RBM6: variants seen among roughly 807,000 people sequenced by gnomAD.
RBM6 encodes the protein RNA-binding protein 6.
RBM6 carries 23 observed loss-of-function variants against 140.4 expected under a neutral mutation model. That is an observed-to-expected ratio of 0.16 (90% CI 0.12 to 0.23). The LOEUF is 0.23. RBM6 is among the 10% of genes least tolerant of loss of function. The pLI is 1.00. For missense variants in RBM6, 1,139 were observed against 1,386.7 expected, an observed-to-expected ratio of 0.82 and a Z score of 2.84; for synonymous variants, 439 against 475.6, an observed-to-expected ratio of 0.92 and a Z score of 1.00.
chr3:49,943,533 T>C (rs954657943), intron 1 of RBM6, among the ~76,000 whole-genome samples: 4 of 152,192 alleles, frequency 2.6e-5, no homozygotes, highest in Admixed American at 6.6e-5. Flanking sequence ...GGTCTCGAAC[T>C]CCTGAGTTCA....
chr3:50,026,782 G>A lies in RBM6; in HGVS notation c.1558-21463G>A, dbSNP rs150103366. 7.8e-3 allele frequency among the ~76,000 whole-genome samples: 1,176 copies of A among 151,716 alleles called. 19 individuals are homozygous for A. Among genetic ancestry groups the A allele is most frequent in the African/African-American group, 0.027 (1,129 of 41,314 alleles). On this transcript the variant is annotated intron_variant, in intron 6 of 20. Coordinates refer to ENST00000266022, the MANE Select transcript of RBM6 (RefSeq NM_005777.3). Reference sequence around the variant, plus strand: ...ACAAAAATTAGGCAGGTGTGGTGGCGTGCACCTGTAGTCCCAGCTATTGGG... The same window carrying A: ...ACAAAAATTAGGCAGGTGTGGTGGCATGCACCTGTAGTCCCAGCTATTGGG...
Position 50,077,054 on chromosome 3 carries a change from C to T in RBM6, c.3293C>T (p.Thr1098Ile), listed in dbSNP as rs1335404116. ...CCCAGTGTTGGAGCCTCAGGAAGAA[C>T]CAGCAAAAGACAGTCCAACGAGACT... is the stretch of plus-strand genomic sequence containing the variant. ...RGPSVGASGRTSKRQSNETYR... is the reference protein window; with the variant it reads ...RGPSVGASGRISKRQSNETYR... Residue 1098 changes from threonine to isoleucine, a missense_variant, in exon 21 of 21, where the codon ACC becomes ATC. Physicochemically the swap from Thr to Ile is moderately conservative, Grantham distance 89. Coordinates refer to ENST00000266022, the MANE Select transcript of RBM6 (RefSeq NM_005777.3). 1.2e-6 allele frequency: 2 copies of T among 1,612,966 alleles called. No individual in the cohort carries two copies. Among genetic ancestry groups the T allele is most frequent in the Non-Finnish European group, 1.7e-6 (2 of 1,179,848 alleles).
intron 6 of RBM6, among the ~76,000 whole-genome samples, chr3:50,016,763 TGCACTCAA>T (rs2087172686): frequency 6.6e-6 from 1 of 151,520 alleles, no homozygotes. Context: ...CTTAACTTCC[TGCACTCAA>T]GCAGTCCTCC....
chr3:50,021,740 C>CTTTTTTTT (rs542734328), intron 6 of RBM6, among the ~76,000 whole-genome samples: 525 of 42,760 alleles, frequency 0.012, 160 homozygotes, highest in South Asian at 0.024. Context: ...AATTTAAGTG[C>CTTTTTTTT]TTTTTTTTTT....
At chr3:50,045,157 G>T (rs1315300443) in intron 6 of RBM6, among the ~76,000 whole-genome samples, 1 of 152,182 alleles carries the variant, frequency 6.6e-6, no homozygotes, top group Non-Finnish European at 1.5e-5. Flanking sequence ...CTCAACAAAA[G>T]GTCATCCACA....
At position 50,077,124 on chromosome 3, in the gene RBM6, A is replaced by C; in HGVS notation, c.3363A>C (p.Glu1121Asp). ...GAGTCATGTTTGCTCGATATAAAGAACTCGATTAAGAAAGGAGACAAGTTC... is the reference window on the plus strand; with the variant it reads ...GAGTCATGTTTGCTCGATATAAAGACCTCGATTAAGAAAGGAGACAAGTTC... Reference protein sequence around the residue: ...VRRVMFARYKELD With the variant: ...VRRVMFARYKDLD Residue 1121 changes from glutamate to aspartate, a missense_variant, in exon 21 of 21, where the codon GAA becomes GAC. Glu to Asp is a conservative substitution (Grantham distance 45, BLOSUM62 2). This residue lies in a region of RBM6 where 125 missense variants were observed against 142.0 expected (regional missense o/e 0.88). Transcript: ENST00000266022. 1 of 1,609,408 alleles carries C rather than the reference A, an allele frequency of 6.2e-7. No homozygotes were observed.
intron 1 of RBM6, among the ~76,000 whole-genome samples, chr3:49,953,017 C>T (rs965572263): frequency 2.0e-5 from 3 of 151,884 alleles, no homozygotes; most frequent in Admixed American, 6.6e-5. Context: ...AAAAGTGCTG[C>T]GATTATAGGC....
rs1441167180 is a variant in RBM6, at chr3:49,968,409, C to A, written c.984C>A (p.Gly328=). The change falls in exon 3 of 21, where the codon GGC becomes GGA. Residue 328 remains glycine, a synonymous_variant. Coordinates refer to ENST00000266022, the MANE Select transcript of RBM6 (RefSeq NM_005777.3). ...HDHTIERPAF[G]IQKGEFEHSE... ...ATACGATAGAAAGGCCTGCTTTTGG[C>A]ATTCAGAAGGGAGAATTTGAGCATT... 6.2e-7 allele frequency: 1 copy of A among 1,614,104 alleles called. No homozygotes were observed. Among genetic ancestry groups the A allele is most frequent in the South Asian group, 1.1e-5 (1 of 91,082 alleles).
In RBM6 at chr3:49,968,240, G is replaced by A; in HGVS notation, c.815G>A (p.Arg272Lys). Residue 272 changes from arginine to lysine, a missense_variant, in exon 3 of 21, where the codon AGA becomes AAA. Coordinates refer to ENST00000266022, the MANE Select transcript of RBM6 (RefSeq NM_005777.3). ...AGGACTGATCAGGATTTTAGGGGCA[G>A]AGAGATGGGATCTTGTATGGAATTT... ...RSRTDQDFRG[R>K]EMGSCMEFKD... 6.2e-7 allele frequency: 1 copy of A among 1,614,184 alleles called. No homozygotes were observed. Among genetic ancestry groups the A allele is most frequent in the Non-Finnish European group, 8.5e-7 (1 of 1,180,038 alleles).
intron 6 of RBM6, among the ~76,000 whole-genome samples, chr3:50,040,711 C>A (rs1297042229): frequency 6.7e-6 from 1 of 150,228 alleles, no homozygotes; most frequent in African/African-American, 2.5e-5. Flanking sequence ...GGCTGGAATG[C>A]AATGGCGTGA....
chr3:49,958,331 G>A (rs1022284061), intron 1 of RBM6, among the ~76,000 whole-genome samples: 9 of 152,036 alleles, frequency 5.9e-5, no homozygotes, highest in African/African-American at 2.2e-4. Flanking sequence ...TGAGGTGGGT[G>A]GATCACGAGG....
At chr3:50,048,442 T>C (rs142088674) in intron 7 of RBM6, 123 bp downstream of exon 7, 89 of 1,476,140 alleles carry the variant, frequency 6.0e-5, no homozygotes, top group African/African-American at 8.5e-5. Context: ...CTCAGGTCAC[T>C]TCAGTTGAAC....
chr3:49,968,284 C>T lies in RBM6; in HGVS notation c.859C>T (p.Pro287Ser), dbSNP rs552334748. 1.1e-5 allele frequency: 17 copies of T among 1,614,002 alleles called. No individual in the cohort carries two copies. The East Asian group carries it at 3.1e-4, about 30-fold the overall frequency. The change falls in exon 3 of 21, where the codon CCT becomes TCT. Residue 287 changes from proline to serine, a missense_variant. By Grantham distance (74) the Pro-to-Ser change is moderately conservative. This residue lies in a region of RBM6 where 566 missense variants were observed against 612.7 expected (regional missense o/e 0.92). Transcript: ENST00000266022. ...GGAATTTAAAGATAGGGAGATGCCC[C>T]CTGTGGATCCAAATATTTTGGATTA... ...CMEFKDREMP[P>S]VDPNILDYIQ...
chr3:50,066,539 G>T, intron 17 of RBM6, 37 bp downstream of exon 17: 1 of 1,592,700 alleles, frequency 6.3e-7, no homozygotes, highest in South Asian at 1.1e-5. Context: ...TCAAACTGTT[G>T]ACTCTTGGCC....
intron 19 of RBM6, 131 bp from the exon 20 acceptor site, chr3:50,075,070 C>T (rs1040418219): frequency 3.8e-6 from 4 of 1,056,114 alleles, no homozygotes; most frequent in Non-Finnish European, 5.4e-6. Context: ...GCAGGAGAAT[C>T]GCCTGAACCC....
intron 2 of RBM6, among the ~76,000 whole-genome samples, chr3:49,964,364 A>G (rs1005758392): frequency 4.6e-5 from 7 of 152,242 alleles, no homozygotes; most frequent in African/African-American, 1.7e-4. Flanking sequence ...TAAATGCTGA[A>G]TGACAGAGAT....
chr3:49,977,791 G>A lies in RBM6; in HGVS notation c.1483+2399G>A, dbSNP rs536709714. Among the ~76,000 whole-genome samples the A allele has an allele frequency of 4.0e-4, 61 of 152,308 alleles. 1 individual carries two copies. In the South Asian group the frequency reaches 0.012, roughly 30 times the overall value. On this transcript the variant is annotated intron_variant, in intron 5 of 20. Transcript: ENST00000266022. ...AGAATATGTCTTGGAACAATCAGAT[G>A]TTCTAAGAACTATAGTGTTTACTGT... is the stretch of plus-strand genomic sequence containing the variant.
chr3:50,054,027 AAT>A (rs2089597324), intron 7 of RBM6: 5 of 247,738 alleles, frequency 2.0e-5, no homozygotes, highest in Non-Finnish European at 1.6e-5. Context: ...TTGGGACAAT[AAT>A]ATTCTATAAA....
intron 6 of RBM6, among the ~76,000 whole-genome samples, chr3:50,034,995 CCCTCT>C (rs58547431): frequency 6.3e-5 from 8 of 126,750 alleles, no homozygotes; most frequent in Non-Finnish European, 9.6e-5. Context: ...CTCTCCTCTT[CCCTCT>C]CCTCTCCTCT....
Sources: allele counts gnomAD v4.1 joint callset (sites outside exome capture counted in the v4.1 genomes callset), GRCh38; gene constraint gnomAD v4.1.1; regional missense constraint gnomAD v4.1.1; transcripts MANE v1.5; gene names NCBI Gene and HGNC (gene_info 2026-07-23, HGNC 2026-07-21).